The following C12orf60 variants were observed in gnomAD, a reference collection of about 807,000 sequenced individuals.
C12orf60 encodes the protein chromosome 12 open reading frame 60.
For missense variants in C12orf60, 284 were observed against 283.2 expected (o/e 1.00, Z -0.02); for synonymous variants, 102 against 94.6 (o/e 1.08, Z -0.45).
intron 1 of C12orf60, among the ~76,000 whole-genome samples, chr12:14,812,410 C>T (rs934571657): frequency 9.2e-5 from 14 of 151,714 alleles, no homozygotes; most frequent in Non-Finnish European, 1.8e-4. Flanking sequence ...TGCCACTGCA[C>T]GCCGGCCTGG....
At chr12:14,806,325 A>G (rs747956198) in intron 1 of C12orf60, 3 of 1,614,232 alleles carry the variant, frequency 1.9e-6, no homozygotes, top group Non-Finnish European at 2.5e-6. Flanking sequence ...TCCCAGGATG[A>G]CCGAAATAAC....
chr12:14,810,846 G>A (rs1950125260), intron 1 of C12orf60, among the ~76,000 whole-genome samples: 1 of 152,130 alleles, frequency 6.6e-6, no homozygotes, highest in African/African-American at 2.4e-5. Flanking sequence ...GACTCCCAAA[G>A]TGATTACTCC....
Position 14,823,920 on chromosome 12 carries a change from C to A in C12orf60, c.*247C>A. 1 of 288,704 alleles carries A rather than the reference C, an allele frequency of 3.5e-6. No individual in the cohort carries two copies. Among genetic ancestry groups the A allele is most frequent in the Non-Finnish European group, 6.5e-6 (1 of 153,824 alleles). The allele number at this position is 288,704 out of a possible 1,614,324, so 17.9% of individuals were successfully genotyped here. On this transcript the variant is annotated 3_prime_UTR_variant, in exon 2 of 2. Coordinates refer to ENST00000330828, the MANE Select transcript of C12orf60 (RefSeq NM_175874.4). ...TGTTGAAAAAAACAAAGTGGTATTA[C>A]ATTTGAGGATGTTTCTAAATATTGT...
At chr12:14,821,955 G>A (rs1464816682) in intron 1 of C12orf60, among the ~76,000 whole-genome samples, 13 of 147,538 alleles carry the variant, frequency 8.8e-5, no homozygotes, top group Non-Finnish European at 1.6e-4. Flanking sequence ...GTTGACAGGG[G>A]CAGGGGCAAA....
At position 14,823,324 on chromosome 12, in the gene C12orf60, G is replaced by A. The variant is rs1197327914; in HGVS notation, c.389G>A (p.Ser130Asn). Residue 130 changes from serine to asparagine, a missense_variant, in exon 2 of 2, where the codon AGT becomes AAT. Coordinates refer to ENST00000330828, the MANE Select transcript of C12orf60 (RefSeq NM_175874.4). ...TPVIISVLNS[S>N]NILGSLESSL... ...GTCATCATCTCTGTGCTAAACAGCA[G>A]TAACATCCTTGGGAGTCTGGAATCT... The A allele has an allele frequency of 1.2e-6, 2 of 1,614,014 alleles. No homozygotes were observed. Among genetic ancestry groups the A allele is most frequent in the African/African-American group, 1.3e-5 (1 of 74,912 alleles).
chr12:14,814,490 G>A (rs1950187740), intron 1 of C12orf60, among the ~76,000 whole-genome samples: 1 of 152,120 alleles, frequency 6.6e-6, no homozygotes. Flanking sequence ...TTTGATTGCA[G>A]CTCTCAGATT....
intron 1 of C12orf60, among the ~76,000 whole-genome samples, chr12:14,807,956 A>G (rs887888484): frequency 6.6e-6 from 1 of 152,176 alleles, no homozygotes; most frequent in African/African-American, 2.4e-5. Flanking sequence ...ACTTGAGGCC[A>G]GGAGTTCAAG....
chr12:14,814,230 C>T (rs1472241892), intron 1 of C12orf60: 1 of 152,150 alleles, frequency 6.6e-6, no homozygotes, highest in African/African-American at 2.4e-5. Context: ...AATGTGATGA[C>T]TTACAGACTT....
At chr12:14,816,780 T>C (rs561271744) in intron 1 of C12orf60, among the ~76,000 whole-genome samples, 14 of 150,148 alleles carry the variant, frequency 9.3e-5, no homozygotes, top group Admixed American at 6.7e-4. Flanking sequence ...AGTCTCACTC[T>C]GTCACCCAGG....
intron 1 of C12orf60, chr12:14,805,927 G>T: frequency 7.2e-7 from 1 of 1,395,334 alleles, no homozygotes; most frequent in Non-Finnish European, 9.8e-7. Flanking sequence ...TATAGAAAAT[G>T]AACCTAATCA....
chr12:14,814,804 A>G (rs1950192120), intron 1 of C12orf60, among the ~76,000 whole-genome samples: 2 of 152,124 alleles, frequency 1.3e-5, no homozygotes, highest in Admixed American at 6.6e-5. Flanking sequence ...AGACCCGTTA[A>G]TTCCTCCACA....
chr12:14,806,072 T>C, intron 1 of C12orf60: 1 of 1,614,206 alleles, frequency 6.2e-7, no homozygotes, highest in Non-Finnish European at 8.5e-7. Context: ...CTGAGGCTGA[T>C]TTGAACTCCA....
At chr12:14,817,324 TTTG>T (rs1206223865) in intron 1 of C12orf60, among the ~76,000 whole-genome samples, 1 of 152,208 alleles carries the variant, frequency 6.6e-6, no homozygotes, top group Non-Finnish European at 1.5e-5. Context: ...ACTTTCTTTT[TTTG>T]TTGTTGTTCT....
At chr12:14,819,569 C>T (rs1021494013) in intron 1 of C12orf60, among the ~76,000 whole-genome samples, 9 of 152,064 alleles carry the variant, frequency 5.9e-5, no homozygotes, top group African/African-American at 1.2e-4. Context: ...AACTAGTGAA[C>T]GTGAACATAC....
chr12:14,823,061 T>C lies in C12orf60; in HGVS notation c.126T>C (p.Asn42=), dbSNP rs748925530. ...CTGAATTGTTTAGCCGCAGTATGAA[T>C]ACTCAAATCCTTTTGATGGCTGTGA... ...TLTELFSRSM[N]TQILLMAVKN... is the part of the protein sequence containing the mutation. The change falls in exon 2 of 2, where the codon AAT becomes AAC. Residue 42 remains asparagine, a synonymous_variant. Transcript: ENST00000330828. 1.2e-6 allele frequency: 2 copies of C among 1,614,166 alleles called. No individual in the cohort carries two copies. The highest frequency in any genetic ancestry group is 1.7e-6 in the Non-Finnish European group (2 of 1,179,984).
Position 14,806,152 on chromosome 12 carries a change from G to A in C12orf60, c.-25+2401G>A, listed in dbSNP as rs373027449. On this transcript the variant is annotated intron_variant, in intron 1 of 1. Transcript: ENST00000330828. ...TTTTCCACTGCTCCCAGGATGGCAC[G>A]GACAATCATATCTATGCCAAGGCCA... is the stretch of plus-strand genomic sequence containing the variant. 78 of 1,613,990 alleles carry A rather than the reference G, an allele frequency of 4.8e-5. 1 individual carries two copies. The East Asian group carries it at 5.3e-4, about 11-fold the overall frequency.
intron 1 of C12orf60, among the ~76,000 whole-genome samples, chr12:14,820,362 T>C (rs905087046): frequency 2.0e-5 from 3 of 151,986 alleles, no homozygotes; most frequent in Non-Finnish European, 2.9e-5. Flanking sequence ...TTCTACTCTT[T>C]ATTATTTTTT....
At position 14,823,032 on chromosome 12, in the gene C12orf60, C is replaced by T; in HGVS notation, c.97C>T (p.Leu33=). ...VQDLASVINT[L]TELFSRSMNT... is the part of the protein sequence containing the mutation. ...AGATCTTGCTTCTGTCATAAACACA[C>T]TGACTGAATTGTTTAGCCGCAGTAT... Residue 33 remains leucine, a synonymous_variant, in exon 2 of 2, where the codon CTG becomes TTG. Transcript: ENST00000330828. 6.2e-7 allele frequency: 1 copy of T among 1,613,926 alleles called. No individual in the cohort carries two copies. The highest frequency in any genetic ancestry group is 8.5e-7 in the Non-Finnish European group (1 of 1,179,790).
At chr12:14,815,052 T>C (rs1297133996) in intron 1 of C12orf60, among the ~76,000 whole-genome samples, 1 of 152,242 alleles carries the variant, frequency 6.6e-6, no homozygotes, top group Non-Finnish European at 1.5e-5. Context: ...GTGGCTGATA[T>C]GTGGCAAAAT....
Sources: gnomAD v4.1 joint callset for allele counts (sites outside exome capture counted in the v4.1 genomes callset) on GRCh38, gnomAD v4.1.1 for gene constraint, MANE v1.5 for transcripts, NCBI Gene and HGNC (gene_info 2026-07-23, HGNC 2026-07-21) for gene names.